The following SCYL3 variants were observed in gnomAD, a reference collection of about 807,000 sequenced individuals.
SCYL3 encodes the protein SCY1 like pseudokinase 3.
SCYL3 carries 35 observed loss-of-function variants against 73.8 expected under a neutral mutation model. The ratio of observed to expected loss-of-function variants is 0.47; its 90% CI spans 0.36 to 0.63. SCYL3 has a LOEUF of 0.63. Among genes scored for constraint, SCYL3 ranks in the 20% least tolerant of loss-of-function variants. The pLI, the probability that SCYL3 is intolerant of heterozygous loss-of-function variation, is 0.00. For synonymous variants in SCYL3, 277 were observed against 295.2 expected (o/e 0.94, Z 0.63); for missense variants, 712 against 798.9 (o/e 0.89, Z 1.31).
At chr1:169,869,974 G>C (rs1660281504) in intron 6 of SCYL3, among the ~76,000 whole-genome samples, 1 of 152,138 alleles carries the variant, frequency 6.6e-6, no homozygotes, top group Admixed American at 6.5e-5. Context: ...TCTACATTTA[G>C]ACCGCTTAAG....
intron 2 of SCYL3, among the ~76,000 whole-genome samples, chr1:169,886,471 T>C (rs920554974): frequency 6.6e-6 from 1 of 152,202 alleles, no homozygotes; most frequent in Non-Finnish European, 1.5e-5. Flanking sequence ...AAATTCATTA[T>C]GGGGAAGAGC....
At chr1:169,879,850 AAAAAT>A (rs1356071459) in intron 2 of SCYL3, among the ~76,000 whole-genome samples, 19 of 152,232 alleles carry the variant, frequency 1.2e-4, no homozygotes, top group African/African-American at 4.3e-4. Context: ...TTTCCAAAAG[AAAAAT>A]AAAAGATTGA....
chr1:169,884,300 T>A (rs1661517400), intron 2 of SCYL3, among the ~76,000 whole-genome samples: 1 of 152,038 alleles, frequency 6.6e-6, no homozygotes, highest in Admixed American at 6.5e-5. Context: ...TTTTATTTCG[T>A]TTTGTTTTGT....
chr1:169,856,510 A>G (rs956384945), intron 11 of SCYL3, among the ~76,000 whole-genome samples: 1 of 152,210 alleles, frequency 6.6e-6, no homozygotes, highest in African/African-American at 2.4e-5. Flanking sequence ...TTTTTGGCCA[A>G]AAAGTGAGGA....
rs576692752 is a variant in SCYL3 at position 169,891,923 on chromosome 1, G to C, written c.-51+1865C>G. On this transcript the variant is annotated intron_variant, in intron 1 of 12. Transcript: ENST00000367771. Reference sequence around the variant, plus strand: ...AAAGTTATAAAAGCATTAGGAAGTAGTTAAAATTCATTTTTCTTACTGTAT... The same window carrying C: ...AAAGTTATAAAAGCATTAGGAAGTACTTAAAATTCATTTTTCTTACTGTAT... Among the ~76,000 whole-genome samples the C allele has an allele frequency of 1.4e-4, 21 of 152,318 alleles. No individual in the cohort carries two copies. The South Asian group carries it at 4.3e-3, about 32-fold the overall frequency.
intron 5 of SCYL3, among the ~76,000 whole-genome samples, chr1:169,871,342 T>G (rs1384770468): frequency 1.3e-5 from 2 of 152,190 alleles, no homozygotes; most frequent in African/African-American, 4.8e-5. Context: ...CAAGATCTGA[T>G]GGCTTTAAAA....
In SCYL3 at chr1:169,852,996, A is replaced by T; in HGVS notation, c.*717T>A. The T allele has an allele frequency of 6.2e-7, 1 of 1,612,768 alleles. No individual in the cohort carries two copies. Among genetic ancestry groups the T allele is most frequent in the South Asian group, 1.1e-5 (1 of 91,052 alleles). On this transcript the variant is annotated 3_prime_UTR_variant, in exon 13 of 13. Coordinates refer to ENST00000367771, the MANE Select transcript of SCYL3 (RefSeq NM_020423.7). ...TACATACTCTAGGGTGAAACTTATC[A>T]CTAGGCAGAACTGGGTTTGATGCTT...
rs1254014709 is a variant in SCYL3, at chr1:169,852,421, T to C, written c.*1292A>G. 2 of 269,744 alleles carry C rather than the reference T, an allele frequency of 7.4e-6. No individual in the cohort carries two copies. Among genetic ancestry groups the C allele is most frequent in the South Asian group, 5.2e-5 (1 of 19,114 alleles). The allele number at this position is 269,744 out of a possible 1,614,324, so 16.7% of individuals were successfully genotyped here. A position where few individuals can be genotyped will look rare whatever the true frequency, so the allele number is the denominator to read the frequency against. ...TAGTAATTAGTATAGTAGTAATTCA[T>C]GAAGAACAACATTCTGATAAGTTTT... On this transcript the variant is annotated 3_prime_UTR_variant, in exon 13 of 13. Coordinates refer to ENST00000367771, the MANE Select transcript of SCYL3 (RefSeq NM_020423.7).
chr1:169,879,925 G>A (rs979546429), intron 2 of SCYL3, among the ~76,000 whole-genome samples: 1 of 152,124 alleles, frequency 6.6e-6, no homozygotes, highest in Non-Finnish European at 1.5e-5. Flanking sequence ...TACAGAGTCA[G>A]TAAACTTGAA....
intron 4 of SCYL3, 117 bp from the exon 5 acceptor site, chr1:169,873,869 T>G: frequency 1.5e-6 from 1 of 663,188 alleles, no homozygotes; most frequent in Non-Finnish European, 2.6e-6. Flanking sequence ...AACCTTCAAA[T>G]CAATGCCGCA....
At chr1:169,885,478 C>T (rs956416736) in intron 2 of SCYL3, among the ~76,000 whole-genome samples, 6 of 152,156 alleles carry the variant, frequency 3.9e-5, no homozygotes, top group South Asian at 2.1e-4. Context: ...CATAATTTCA[C>T]GCTGTTAAAT....
At chr1:169,889,494 G>A (rs992170344) in intron 1 of SCYL3, among the ~76,000 whole-genome samples, 7 of 151,898 alleles carry the variant, frequency 4.6e-5, no homozygotes, top group South Asian at 4.2e-4. Context: ...CACAAATGAC[G>A]ATAAACATAA....
chr1:169,852,848 T>TG lies in SCYL3; in HGVS notation c.*864dup. On this transcript the variant is annotated 3_prime_UTR_variant, in exon 13 of 13. Coordinates refer to ENST00000367771, the MANE Select transcript of SCYL3 (RefSeq NM_020423.7). ...TGGGAAGAAGAGTACAGGTCAGCGC[T>TG]GCATACAATAGCAGGGGCTTTGGAA... 6.2e-7 allele frequency: 1 copy of TG among 1,614,188 alleles called. No individual in the cohort carries two copies. The highest frequency in any genetic ancestry group is 8.5e-7 in the Non-Finnish European group (1 of 1,180,012).
chr1:169,869,047 C>G lies in SCYL3; in HGVS notation c.626-8G>C, dbSNP rs568839549. On this transcript the variant is annotated splice_polypyrimidine_tract_variant and splice_region_variant and intron_variant, in intron 6 of 12. Coordinates refer to ENST00000367771, the MANE Select transcript of SCYL3 (RefSeq NM_020423.7). ...AGAGAACATCCGCTGAAACTGAAAT[C>G]CAGAGCTACAGTTAGTTTCCAATGC... 6.2e-7 allele frequency: 1 copy of G among 1,605,764 alleles called. No homozygotes were observed. The highest frequency in any genetic ancestry group is 1.3e-5 in the African/African-American group (1 of 74,858).
At chr1:169,858,032 G>C (rs57790494) in intron 11 of SCYL3, among the ~76,000 whole-genome samples, 1 of 152,042 alleles carries the variant, frequency 6.6e-6, no homozygotes, top group East Asian at 1.9e-4. Flanking sequence ...TGAAGGCCTA[G>C]GATATTACTG....
At chr1:169,892,295 T>C (rs1031771364) in intron 1 of SCYL3, among the ~76,000 whole-genome samples, 1 of 152,232 alleles carries the variant, frequency 6.6e-6, no homozygotes, top group Non-Finnish European at 1.5e-5. Context: ...CTTGTTCTGT[T>C]GCTGCTGGCC....
At chr1:169,889,167 T>C (rs974144504) in intron 1 of SCYL3, among the ~76,000 whole-genome samples, 4 of 152,082 alleles carry the variant, frequency 2.6e-5, no homozygotes, top group Non-Finnish European at 5.9e-5. Flanking sequence ...GGAAAGGCAA[T>C]CAAAAATAGA....
At chr1:169,858,359 T>G (rs1263613736) in intron 11 of SCYL3, among the ~76,000 whole-genome samples, 1 of 152,210 alleles carries the variant, frequency 6.6e-6, no homozygotes, top group East Asian at 1.9e-4. Flanking sequence ...TCAATTTCAC[T>G]GTCTTTGACC....
intron 11 of SCYL3, among the ~76,000 whole-genome samples, chr1:169,855,534 T>C (rs533073121): frequency 5.3e-5 from 8 of 152,340 alleles, no homozygotes; most frequent in African/African-American, 1.9e-4. Flanking sequence ...ATTTGGAAGA[T>C]GCTGCACTAA....
Sources: allele counts gnomAD v4.1 joint callset (sites outside exome capture counted in the v4.1 genomes callset), GRCh38; gene constraint gnomAD v4.1.1; transcripts MANE v1.5; gene names NCBI Gene and HGNC (gene_info 2026-07-23, HGNC 2026-07-21).